The following SUGCT variants were observed in gnomAD, a reference collection of about 807,000 sequenced individuals.
SUGCT encodes succinyl-CoA:glutarate CoA-transferase.
A neutral mutation model predicts 55.0 loss-of-function variants in SUGCT; 41 were observed. The ratio of observed to expected loss-of-function variants is 0.74; its 90% CI spans 0.58 to 0.97. The LOEUF (loss-of-function observed/expected upper bound fraction) is 0.97. SUGCT is among the 50% of genes least tolerant of loss of function. SUGCT has a pLI of 0.00. For synonymous variants in SUGCT, 187 were observed against 200.4 expected, an observed-to-expected ratio of 0.93 and a Z score of 0.56; for missense variants, 568 against 547.8, an observed-to-expected ratio of 1.04 and a Z score of -0.37.
intron 13 of SUGCT, among the ~76,000 whole-genome samples, chr7:40,799,979 T>C (rs1365856360): frequency 6.6e-6 from 1 of 152,164 alleles, no homozygotes; most frequent in Non-Finnish European, 1.5e-5. Context: ...GAAAATCCTT[T>C]CTTAGCACAA....
chr7:40,312,581 G>A (rs187803546), intron 8 of SUGCT, among the ~76,000 whole-genome samples: 45 of 152,270 alleles, frequency 3.0e-4, no homozygotes, highest in African/African-American at 1.0e-3. Flanking sequence ...GACCTAGCTC[G>A]TTCTAGCTTT....
At chr7:40,533,942 T>C (rs898120911) in intron 12 of SUGCT, among the ~76,000 whole-genome samples, 13 of 150,020 alleles carry the variant, frequency 8.7e-5, no homozygotes, top group Non-Finnish European at 1.5e-4. Context: ...TTGCAATTCT[T>C]TAATTGCCAT....
At chr7:40,247,019 T>C (rs530451640) in intron 7 of SUGCT, among the ~76,000 whole-genome samples, 1 of 152,356 alleles carries the variant, frequency 6.6e-6, no homozygotes, top group African/African-American at 2.4e-5. Flanking sequence ...TTGATCAACA[T>C]TTGAGTTGTT....
chr7:40,787,684 A>AG (rs1176934608), intron 13 of SUGCT, among the ~76,000 whole-genome samples: 2 of 145,218 alleles, frequency 1.4e-5, no homozygotes, highest in African/African-American at 5.1e-5. Context: ...AAAAAAAAAA[A>AG]GCCTCAAGAA....
chr7:40,971,755 G>T, the SUGCT span, among the ~76,000 whole-genome samples: 1 of 152,104 alleles, frequency 6.6e-6, no homozygotes, highest in Non-Finnish European at 1.5e-5. Context: ...GGTTCTGTGG[G>T]TTGTCGTCAG....
At chr7:40,954,895 A>G in the SUGCT span, among the ~76,000 whole-genome samples, 4 of 152,206 alleles carry the variant, frequency 2.6e-5, no homozygotes, top group Non-Finnish European at 5.9e-5. Flanking sequence ...TAAATAGGGA[A>G]TCCTCTCCCC....
At chr7:40,988,280 G>T in the SUGCT span, among the ~76,000 whole-genome samples, 1 of 149,298 alleles carries the variant, frequency 6.7e-6, no homozygotes, top group Admixed American at 6.8e-5. Flanking sequence ...AGTGTTAAAG[G>T]CCAAGAAGAC....
chr7:40,867,765 A>G, the SUGCT span, among the ~76,000 whole-genome samples: 36 of 152,332 alleles, frequency 2.4e-4, no homozygotes, highest in Middle Eastern at 3.4e-3. Flanking sequence ...GCACTTTCTA[A>G]TCGGCACAAT....
At chr7:40,211,540 C>G (rs574052341) in intron 6 of SUGCT, among the ~76,000 whole-genome samples, 1 of 152,048 alleles carries the variant, frequency 6.6e-6, no homozygotes, top group Admixed American at 6.6e-5. Flanking sequence ...ATTACATACA[C>G]GAGGCATGGA....
the SUGCT span, among the ~76,000 whole-genome samples, chr7:40,961,434 C>T: frequency 3.3e-5 from 5 of 152,168 alleles, no homozygotes; most frequent in South Asian, 6.2e-4. Context: ...TTATTCTTCT[C>T]TTTTGTGATC....
the SUGCT span, among the ~76,000 whole-genome samples, chr7:40,968,359 T>C: frequency 1.3e-5 from 2 of 152,200 alleles, no homozygotes; most frequent in African/African-American, 4.8e-5. Context: ...CCGAGTCCAC[T>C]GTGAGGAGGG....
At chr7:40,890,725 A>G in the SUGCT span, among the ~76,000 whole-genome samples, 3 of 152,234 alleles carry the variant, frequency 2.0e-5, no homozygotes, top group Non-Finnish European at 4.4e-5. Flanking sequence ...TGGAGGAGGC[A>G]CTTACTTCTT....
At chr7:40,538,963 C>T (rs1308748338) in intron 12 of SUGCT, 1 of 152,106 alleles carries the variant, frequency 6.6e-6, no homozygotes. Context: ...CCTGTAGTCT[C>T]AGCTACTTGG....
At position 40,574,525 on chromosome 7, in the gene SUGCT, C is replaced by A. The variant is rs372478469; in HGVS notation, c.1089+78139C>A. 1.6e-4 allele frequency among the ~76,000 whole-genome samples: 24 copies of A among 152,108 alleles called. No homozygotes were observed. In the East Asian group the frequency reaches 3.7e-3, roughly 23 times the overall value. ...TGGCTCACTGCAAACTGTGCCTCCCCAGTTCAAGAGATTCTCTTGCCTCAG... is the reference window on the plus strand; with the variant it reads ...TGGCTCACTGCAAACTGTGCCTCCCAAGTTCAAGAGATTCTCTTGCCTCAG... On this transcript the variant is annotated intron_variant, in intron 12 of 13. Coordinates refer to ENST00000335693, the MANE Select transcript of SUGCT (RefSeq NM_001193313.2).
At chr7:40,727,001 T>C (rs1786645305) in intron 12 of SUGCT, among the ~76,000 whole-genome samples, 1 of 152,208 alleles carries the variant, frequency 6.6e-6, no homozygotes, top group Non-Finnish European at 1.5e-5. Context: ...ACTATGTATA[T>C]TGTGTTTGGA....
chr7:40,730,319 C>G (rs573640878), intron 12 of SUGCT, among the ~76,000 whole-genome samples: 4 of 152,102 alleles, frequency 2.6e-5, no homozygotes, highest in Non-Finnish European at 4.4e-5. Flanking sequence ...GTTGACCAGA[C>G]TGGTCTCAAA....
intron 9 of SUGCT, among the ~76,000 whole-genome samples, chr7:40,405,736 G>T (rs1786324613): frequency 6.6e-6 from 1 of 151,248 alleles, no homozygotes; most frequent in Non-Finnish European, 1.5e-5. Context: ...CTTGAACCTG[G>T]GAGGCAGAGG....
chr7:40,505,870 A>T (rs1005330942), intron 12 of SUGCT, among the ~76,000 whole-genome samples: 1 of 152,080 alleles, frequency 6.6e-6, no homozygotes, highest in African/African-American at 2.4e-5. Context: ...TTGAGTTATT[A>T]AATGGTATCT....
chr7:40,341,478 C>G (rs1047698883), intron 9 of SUGCT, among the ~76,000 whole-genome samples: 1 of 152,132 alleles, frequency 6.6e-6, no homozygotes, highest in Non-Finnish European at 1.5e-5. Context: ...AGTGAGGTCC[C>G]TCTTGGGATT....
Sources: gnomAD v4.1 joint callset for allele counts (sites outside exome capture counted in the v4.1 genomes callset) on GRCh38, gnomAD v4.1.1 for gene constraint, MANE v1.5 for transcripts, NCBI Gene and HGNC (gene_info 2026-07-23, HGNC 2026-07-21) for gene names.